Variants in MND1 observed in about 807,000 individuals in gnomAD.
MND1 encodes meiotic nuclear division protein 1 homolog.
A neutral mutation model predicts 35.1 loss-of-function variants in MND1; 28 were observed. The observed-to-expected ratio is 0.80, with a 90% CI of 0.59 to 1.09. MND1 has a LOEUF of 1.09. Among genes scored for constraint, MND1 ranks in the 50% least tolerant of loss-of-function variants. The probability of loss-of-function intolerance (pLI) is 0.00; values close to 1 mark genes in which losing one functional copy is unlikely to be tolerated. For synonymous variants in MND1, 69 were observed against 70.5 expected (o/e 0.98, Z 0.11); for missense variants, 213 against 239.6 (o/e 0.89, Z 0.73).
intron 4 of MND1, among the ~76,000 whole-genome samples, chr4:153,377,870 T>G (rs1453757568): frequency 6.6e-6 from 1 of 152,204 alleles, no homozygotes; most frequent in African/African-American, 2.4e-5. Flanking sequence ...TAGTTGTATG[T>G]GCCTTGTTCT....
intron 4 of MND1, among the ~76,000 whole-genome samples, chr4:153,383,300 CAG>C (rs1193213977): frequency 6.6e-6 from 1 of 152,124 alleles, no homozygotes; most frequent in East Asian, 1.9e-4. Context: ...TGGGGGCAAA[CAG>C]AGAAGCCGGA....
chr4:153,368,590 G>A (rs1270066464), intron 4 of MND1, among the ~76,000 whole-genome samples: 1 of 152,110 alleles, frequency 6.6e-6, no homozygotes, highest in Non-Finnish European at 1.5e-5. Context: ...CCTCTTTTCT[G>A]TGATATGCAT....
chr4:153,410,207 T>C (rs190308908), intron 7 of MND1, among the ~76,000 whole-genome samples: 116 of 152,268 alleles, frequency 7.6e-4, no homozygotes, highest in Non-Finnish European at 1.4e-3. Flanking sequence ...CTTTTCCTTT[T>C]CTTCTCTTAA....
At chr4:153,398,549 A>G (rs1729262420) in intron 6 of MND1, among the ~76,000 whole-genome samples, 1 of 152,192 alleles carries the variant, frequency 6.6e-6, no homozygotes, top group African/African-American at 2.4e-5. Context: ...CACCATTCAC[A>G]TATATGGAGT....
chr4:153,393,919 G>GTTTTTTTTTTTTTTTTTT (rs1360869360), intron 4 of MND1, among the ~76,000 whole-genome samples: 1 of 55,580 alleles, frequency 1.8e-5, no homozygotes. Flanking sequence ...GTTTGACTTT[G>GTTTTTTTTTTTTTTTTTT]TTTTCTTTTT....
intron 7 of MND1, among the ~76,000 whole-genome samples, chr4:153,411,419 G>C (rs1252221530): frequency 6.6e-6 from 1 of 152,012 alleles, no homozygotes; most frequent in Non-Finnish European, 1.5e-5. Flanking sequence ...ACATTAAATA[G>C]GGAAATTATT....
chr4:153,398,048 T>A (rs184700880), intron 6 of MND1, among the ~76,000 whole-genome samples: 373 of 152,332 alleles, frequency 2.4e-3, no homozygotes, highest in Admixed American at 3.5e-3. Flanking sequence ...TAGAAGAGTT[T>A]GCAAGTTGCA....
chr4:153,364,723 T>A (rs1158567345), intron 4 of MND1, among the ~76,000 whole-genome samples: 1 of 152,130 alleles, frequency 6.6e-6, no homozygotes, highest in Non-Finnish European at 1.5e-5. Flanking sequence ...TTTTATTTAT[T>A]TATTTAGAGA....
chr4:153,381,702 T>A (rs1175567760), intron 4 of MND1: 107 of 50,978 alleles, frequency 2.1e-3, no homozygotes, highest in African/African-American at 6.1e-3. Context: ...ATTTTTTTTT[T>A]TTTTTTTTTT....
intron 2 of MND1, among the ~76,000 whole-genome samples, chr4:153,350,852 C>T (rs752506531): frequency 4.0e-5 from 6 of 149,772 alleles, no homozygotes; most frequent in Non-Finnish European, 8.9e-5. Context: ...AGTCTACTGG[C>T]TATTTTCATC....
intron 4 of MND1, chr4:153,381,652 T>TAA (rs1258629383): frequency 2.8e-4 from 31 of 111,358 alleles, no homozygotes; most frequent in African/African-American, 1.0e-3. Flanking sequence ...GCTATATATA[T>TAA]AATATATATA....
intron 6 of MND1, among the ~76,000 whole-genome samples, chr4:153,406,351 A>G (rs888350126): frequency 6.6e-6 from 1 of 151,954 alleles, no homozygotes; most frequent in Non-Finnish European, 1.5e-5. Flanking sequence ...GTGAAACCCC[A>G]TCTCTACTAA....
intron 4 of MND1, chr4:153,361,452 G>C (rs1415537107): frequency 1.5e-5 from 7 of 455,932 alleles, no homozygotes; most frequent in Non-Finnish European, 3.1e-5. Flanking sequence ...GTTATGTTTT[G>C]ATGTTTTATC....
chr4:153,403,776 T>G (rs1729408273), intron 6 of MND1, among the ~76,000 whole-genome samples: 1 of 129,548 alleles, frequency 7.7e-6, no homozygotes, highest in African/African-American at 3.5e-5. Flanking sequence ...TAATTATTAC[T>G]TTTTTTTTTG....
rs866670774 is a variant in MND1, at chr4:153,382,854, C to T, written c.277-11408C>T. Among the ~76,000 whole-genome samples the T allele has an allele frequency of 8.5e-5, 13 of 152,122 alleles. 1 individual carries two copies. In the South Asian group the frequency reaches 1.7e-3, roughly 19 times the overall value. ...TTCAATGGTGGACAATCTTAATTCT[C>T]ATAAGTATTCAGAAATGCCAGAAGT... On this transcript the variant is annotated intron_variant, in intron 4 of 7. Transcript: ENST00000240488.
At chr4:153,384,475 CAG>C (rs1311898048) in intron 4 of MND1, among the ~76,000 whole-genome samples, 1 of 47,700 alleles carries the variant, frequency 2.1e-5, no homozygotes, top group Non-Finnish European at 4.2e-5. Context: ...TTTTTTTTGT[CAG>C]AGATAGGGTC....
intron 7 of MND1, among the ~76,000 whole-genome samples, chr4:153,412,850 G>A (rs1341572940): frequency 6.7e-6 from 1 of 149,598 alleles, no homozygotes; most frequent in East Asian, 1.9e-4. Flanking sequence ...TTGTCGCCAG[G>A]CTGGAGTGTA....
chr4:153,344,782 G>A, intron 1 of MND1, 42 bp downstream of exon 1: 3 of 1,595,568 alleles, frequency 1.9e-6, no homozygotes, highest in Non-Finnish European at 2.6e-6. Flanking sequence ...TTCCTCCCTA[G>A]TGTGTGGGCT....
intron 4 of MND1, among the ~76,000 whole-genome samples, chr4:153,384,202 G>C (rs1012861545): frequency 1.4e-5 from 2 of 145,048 alleles, no homozygotes; most frequent in African/African-American, 5.1e-5. Context: ...GTTAAAAATG[G>C]TTCCTTTTAA....
Sources: gnomAD v4.1 joint callset for allele counts (sites outside exome capture counted in the v4.1 genomes callset) on GRCh38, gnomAD v4.1.1 for gene constraint, MANE v1.5 for transcripts, NCBI Gene and HGNC (gene_info 2026-07-23, HGNC 2026-07-21) for gene names.